EXOC7: variants seen among roughly 807,000 people sequenced by gnomAD.
The protein encoded by EXOC7 is exocyst complex component 7, also known as exocyst complex component Exo70.
A neutral mutation model predicts 87.6 loss-of-function variants in EXOC7; 51 were observed. That is an observed-to-expected ratio of 0.58 (90% CI 0.46 to 0.73). EXOC7 has a LOEUF of 0.73. Among genes scored for constraint, EXOC7 ranks in the 30% least tolerant of loss-of-function variants. EXOC7 has a pLI of 0.00. For missense variants in EXOC7, 744 were observed against 888.4 expected (o/e 0.84, Z 2.07); for synonymous variants, 327 against 357.1 (o/e 0.92, Z 0.95).
At chr17:76,088,717 C>G in intron 9 of EXOC7, 54 bp downstream of exon 9, 1 of 1,608,100 alleles carries the variant, frequency 6.2e-7, no homozygotes, top group South Asian at 1.1e-5. Context: ...GGCGGCCACA[C>G]CCGGCAGCAC....
At chr17:76,087,081 CTGGAAAGTAGAGAGCTGA>C (rs1370637365) in intron 12 of EXOC7, among the ~76,000 whole-genome samples, 4 of 152,344 alleles carry the variant, frequency 2.6e-5, no homozygotes, top group Non-Finnish European at 5.9e-5. Flanking sequence ...AGGGAACACC[CTGGAAAGTAGAGAGCTGA>C]GAACTGCAGG....
intron 2 of EXOC7, 185 bp downstream of exon 2, chr17:76,103,156 AGTGCAGCCTCCTCAGTGAGG>A (rs2068157128): frequency 1.7e-6 from 1 of 586,012 alleles, no homozygotes; most frequent in Non-Finnish European, 3.0e-6. Flanking sequence ...GCCAGTGGGA[AGTGCAGCCTCCTCAGTGAGG>A]GTACGGAACA....
At chr17:76,085,111 A>G (rs1442375198) in intron 15 of EXOC7, 1 of 586,152 alleles carries the variant, frequency 1.7e-6, no homozygotes, top group Non-Finnish European at 3.0e-6. Context: ...TAAAGTGGCC[A>G]TAGTGGGCCC....
intron 8 of EXOC7, 72 bp from the exon 9 acceptor site, chr17:76,088,995 T>C: frequency 6.5e-7 from 1 of 1,527,078 alleles, no homozygotes; most frequent in East Asian, 2.3e-5. Context: ...TGGGGGATCC[T>C]TGCAGTATGT....
chr17:76,083,392 C>G lies in EXOC7; in HGVS notation c.*256G>C, dbSNP rs924213537. The G allele has an allele frequency of 2.0e-6, 1 of 497,202 alleles. No individual in the cohort carries two copies. Among genetic ancestry groups the G allele is most frequent in the African/African-American group, 2.0e-5 (1 of 51,262 alleles). The allele number at this position is 497,202 out of a possible 1,614,324, so 30.8% of individuals were successfully genotyped here. ...CTTCTCTCTTTTCCTGTTTCAGAAG[C>G]CATCAGGGTCATAAAAGCCAAGGTG... is the stretch of plus-strand genomic sequence containing the variant. On this transcript the variant is annotated 3_prime_UTR_variant, in exon 19 of 19. Coordinates refer to ENST00000589210, the MANE Select transcript of EXOC7 (RefSeq NM_001013839.4).
In EXOC7 at chr17:76,103,712, C is replaced by G; in HGVS notation, c.-20G>C. 6.3e-7 allele frequency: 1 copy of G among 1,595,820 alleles called. No homozygotes were observed. Among genetic ancestry groups the G allele is most frequent in the Non-Finnish European group, 8.5e-7 (1 of 1,172,000 alleles). ...AATCATCGCTCTGAACCCCGCGGCT[C>G]CCACTCCCCAGTATCTTTCCTCCGC... On this transcript the variant is annotated 5_prime_UTR_variant, in exon 1 of 19. Transcript: ENST00000589210.
In EXOC7 at chr17:76,090,194, GGA is replaced by G. The variant is rs891172930; in HGVS notation, c.902-876_902-875del. On this transcript the variant is annotated intron_variant, in intron 7 of 18. Transcript: ENST00000589210. ...GACCTAGGCCCAAAAGAGAGAGAGT[GGA>G]GAGAGAGGCGCATAGGCCTGGCCCA... is the stretch of plus-strand genomic sequence containing the variant. The G allele has an allele frequency of 6.1e-6, 6 of 981,726 alleles. No individual in the cohort carries two copies. In the Admixed American group the frequency reaches 1.1e-4, roughly 18 times the overall value. The allele number at this position is 981,726 out of a possible 1,614,324, so 60.8% of individuals were successfully genotyped here. A position where few individuals can be genotyped will look rare whatever the true frequency, so the allele number is the denominator to read the frequency against.
chr17:76,087,622 G>C, intron 12 of EXOC7, 32 bp downstream of exon 12: 2 of 1,548,290 alleles, frequency 1.3e-6, no homozygotes, highest in Non-Finnish European at 1.7e-6. Context: ...GAGGCGAGTG[G>C]GGCAGGGGGC....
At chr17:76,094,375 C>T (rs1218165253) in intron 6 of EXOC7, 39 bp downstream of exon 6, 1 of 1,594,454 alleles carries the variant, frequency 6.3e-7, no homozygotes. Flanking sequence ...CCCAGTCAGC[C>T]TCTGGCTGTT....
intron 6 of EXOC7, chr17:76,093,405 G>A (rs1340822268): frequency 6.5e-6 from 1 of 152,724 alleles, no homozygotes; most frequent in Non-Finnish European, 1.5e-5. Context: ...CTAAACAAAG[G>A]CCTGCAGGGG....
intron 6 of EXOC7, 173 bp from the exon 7 acceptor site, chr17:76,091,408 A>G: frequency 1.7e-6 from 1 of 590,608 alleles, no homozygotes; most frequent in South Asian, 2.0e-5. Flanking sequence ...GAAAGGAGTC[A>G]TTTCCTTCTC....
intron 4 of EXOC7, 149 bp downstream of exon 4, chr17:76,101,122 C>G: frequency 7.9e-7 from 1 of 1,270,616 alleles, no homozygotes; most frequent in Non-Finnish European, 1.0e-6. Flanking sequence ...ATTCTTGAAG[C>G]AGAGATCCTA....
In EXOC7 at chr17:76,081,975, C is replaced by A. The variant is rs772741101; in HGVS notation, c.*1673G>T. 6.2e-7 allele frequency: 1 copy of A among 1,612,480 alleles called. No homozygotes were observed. Among genetic ancestry groups the A allele is most frequent in the South Asian group, 1.1e-5 (1 of 91,062 alleles). The stretch of plus-strand genomic sequence containing the variant: ...CTGCTGGCCCGGGGCAACCTTGGGG[C>A]CAAGAGCGGCCCCAGCCCAGCCCCG... On this transcript the variant is annotated 3_prime_UTR_variant, in exon 19 of 19. Coordinates refer to ENST00000589210, the MANE Select transcript of EXOC7 (RefSeq NM_001013839.4).
rs2067015520 is a variant in EXOC7 at position 76,082,297 on chromosome 17, T to C, written c.*1351A>G. 5 of 798,906 alleles carry C rather than the reference T, an allele frequency of 6.3e-6. No individual in the cohort carries two copies. The highest frequency in any genetic ancestry group is 1.9e-5 in the South Asian group (1 of 51,634). The allele number at this position is 798,906 out of a possible 1,614,324, so 49.5% of individuals were successfully genotyped here. A position where few individuals can be genotyped will look rare whatever the true frequency, so the allele number is the denominator to read the frequency against. The stretch of plus-strand genomic sequence containing the variant: ...CCATGCCTTGCACAGCCTAAGAGGG[T>C]GTTTCTTCAACTGAAGATGGCCTGA... On this transcript the variant is annotated 3_prime_UTR_variant, in exon 19 of 19. Transcript: ENST00000589210.
At chr17:76,095,704 A>T (rs534274815) in intron 5 of EXOC7, among the ~76,000 whole-genome samples, 1 of 152,346 alleles carries the variant, frequency 6.6e-6, no homozygotes, top group East Asian at 1.9e-4. Flanking sequence ...GATTGGCCTG[A>T]TCTATTTAGA....
intron 12 of EXOC7, chr17:76,087,432 G>A (rs1487959929): frequency 3.1e-5 from 18 of 577,660 alleles, no homozygotes; most frequent in East Asian, 5.7e-5. Flanking sequence ...GGGCGAGGAC[G>A]GTCAAAGGGG....
chr17:76,088,808 A>C lies in EXOC7; in HGVS notation c.1163T>G (p.Leu388Arg). The change falls in exon 9 of 19, where the codon CTC (leucine) becomes CGC (arginine). Residue 388 changes from leucine (L) to arginine (R), a missense_variant. Coordinates refer to ENST00000589210, the MANE Select transcript of EXOC7 (RefSeq NM_001013839.4). ...VLTVFPILRHLKQTKPEFDQV... is the reference protein window; with the variant it reads ...VLTVFPILRHRKQTKPEFDQV... ...GTCAAACTCAGGCTTGGTCTGCTTG[A>C]GGTGTCGCAGGATGGGGAAGACGGT... 1 of 1,613,796 alleles carries C rather than the reference A, an allele frequency of 6.2e-7. No homozygotes were observed. Among genetic ancestry groups the C allele is most frequent in the Non-Finnish European group, 8.5e-7 (1 of 1,180,008 alleles).
chr17:76,103,530 T>C (rs1227622104), intron 1 of EXOC7, 103 bp downstream of exon 1: 4 of 1,554,094 alleles, frequency 2.6e-6, no homozygotes, highest in Non-Finnish European at 3.5e-6. Flanking sequence ...CCTCGCTGGG[T>C]GCGCTCCCTC....
In EXOC7 at chr17:76,090,250, C is replaced by A. The variant is rs1320034348; in HGVS notation, c.901+893G>T. 16 of 1,493,012 alleles carry A rather than the reference C, an allele frequency of 1.1e-5. No individual in the cohort carries two copies. In the Middle Eastern group the frequency reaches 5.3e-4, roughly 49 times the overall value. 92.5% of individuals were successfully genotyped at this position (1,493,012 alleles called of 1,614,324 possible). A position where few individuals can be genotyped will look rare whatever the true frequency, so the allele number is the denominator to read the frequency against. On this transcript the variant is annotated intron_variant, in intron 7 of 18. Transcript: ENST00000589210. ...TCAGAGCAGAGTGGGCCCAGCTGGG[C>A]CAGGCAGGAGCAGGCCATCCGGGGA...
Sources: gnomAD v4.1 joint callset for allele counts (sites outside exome capture counted in the v4.1 genomes callset) on GRCh38, gnomAD v4.1.1 for gene constraint, MANE v1.5 for transcripts, NCBI Gene and HGNC (gene_info 2026-07-23, HGNC 2026-07-21) for gene names.